OR5A1: variants seen among roughly 807,000 people sequenced by gnomAD.
OR5A1 encodes olfactory receptor 5A1.
A neutral mutation model predicts 6.7 loss-of-function variants in OR5A1; 6 were observed. That is an observed-to-expected ratio of 0.89 (90% CI 0.49 to 1.76). The LOEUF is 1.76. Ranked by LOEUF, OR5A1 falls within the 40% of genes most tolerant of loss-of-function variation. OR5A1 has a pLI of 0.01. For missense variants in OR5A1, 378 were observed against 381.7 expected (o/e 0.99, Z 0.08); for synonymous variants, 170 against 155.0 (o/e 1.10, Z -0.72).
In OR5A1 at chr11:59,449,648, A is replaced by G. The variant is rs778008407; in HGVS notation, c.*5532A>G. Reference sequence around the variant, plus strand: ...ATATAATGATATTAGGATTATGATAATATTAATACCCTACATTTGTATAAT... The same window carrying G: ...ATATAATGATATTAGGATTATGATAGTATTAATACCCTACATTTGTATAAT... On this transcript the variant is annotated 3_prime_UTR_variant, in exon 2 of 2. Coordinates refer to ENST00000641045, the MANE Select transcript of OR5A1 (RefSeq NM_001004728.2). The G allele has an allele frequency of 1.3e-5, 2 of 152,220 alleles. No individual in the cohort carries two copies. Among genetic ancestry groups the G allele is most frequent in the Non-Finnish European group, 2.9e-5 (2 of 68,042 alleles). The allele number at this position is 152,220 out of a possible 1,614,324, so 9.4% of individuals were successfully genotyped here.
chr11:59,450,399 A>C lies in OR5A1; in HGVS notation c.*6283A>C, dbSNP rs1313155850. 1 of 152,202 alleles carries C rather than the reference A, an allele frequency of 6.6e-6. No homozygotes were observed. The highest frequency in any genetic ancestry group is 1.5e-5 in the Non-Finnish European group (1 of 68,030). 9.4% of individuals were successfully genotyped at this position (152,202 alleles called of 1,614,324 possible). On this transcript the variant is annotated 3_prime_UTR_variant, in exon 2 of 2. Coordinates refer to ENST00000641045, the MANE Select transcript of OR5A1 (RefSeq NM_001004728.2). ...TCTGGGTGCCTCCAGCCAATGCCTCATGGAGCCATAACACACCAAAAGAAA... is the reference window on the plus strand; with the variant it reads ...TCTGGGTGCCTCCAGCCAATGCCTCCTGGAGCCATAACACACCAAAAGAAA...
intron 1 of OR5A1, among the ~76,000 whole-genome samples, chr11:59,441,983 GA>G (rs1858487017): frequency 3.7e-5 from 5 of 136,434 alleles, no homozygotes; most frequent in African/African-American, 1.4e-4. Flanking sequence ...TAGATAGATA[GA>G]TAGATGATAG....
chr11:59,443,837 C>A lies in OR5A1; in HGVS notation c.669C>A (p.Tyr223Ter). The A allele has an allele frequency of 6.2e-7, 1 of 1,614,106 alleles. No individual in the cohort carries two copies. Among genetic ancestry groups the A allele is most frequent in the East Asian group, 2.2e-5 (1 of 44,870 alleles). ...SFLQLLISYG[Y>*]IVSAVLKIPS... Reference sequence around the variant, plus strand: ...TCCAACTCCTTATCTCCTATGGTTACATAGTGTCTGCGGTCCTGAAGATCC... The same window carrying A: ...TCCAACTCCTTATCTCCTATGGTTAAATAGTGTCTGCGGTCCTGAAGATCC... Residue 223 changes from tyrosine to a stop codon, truncating the protein, a stop_gained, in exon 2 of 2, where the codon TAC (tyrosine) becomes TAA (stop). Transcript: ENST00000641045. LOFTEE classifies it high-confidence loss of function.
At position 59,448,712 on chromosome 11, in the gene OR5A1, C is replaced by A. The variant is rs1159445505; in HGVS notation, c.*4596C>A. On this transcript the variant is annotated 3_prime_UTR_variant, in exon 2 of 2. Coordinates refer to ENST00000641045, the MANE Select transcript of OR5A1 (RefSeq NM_001004728.2). Reference sequence around the variant, plus strand: ...GTAAGTTCATGCTTGAGGGTGGGGTCACATCTGTCTCTTCACAAATATATT... The same window carrying A: ...GTAAGTTCATGCTTGAGGGTGGGGTAACATCTGTCTCTTCACAAATATATT... The A allele has an allele frequency of 6.6e-6, 1 of 152,038 alleles. No individual in the cohort carries two copies. Among genetic ancestry groups the A allele is most frequent in the Non-Finnish European group, 1.5e-5 (1 of 68,022 alleles). The allele number at this position is 152,038 out of a possible 1,614,324, so 9.4% of individuals were successfully genotyped here.
chr11:59,443,961 C>T lies in OR5A1; in HGVS notation c.793C>T (p.Pro265Ser), dbSNP rs751105371. ...GACAGCCCTTTTCGTGTACTTGCGA[C>T]CCAGCTCCAGCTACTTGCTAGGCAG... Reference protein sequence around the residue: ...FGTALFVYLRPSSSYLLGRDK... With the variant: ...FGTALFVYLRSSSSYLLGRDK... Residue 265 changes from proline to serine, a missense_variant, in exon 2 of 2, where the codon CCC (proline) becomes TCC (serine). Coordinates refer to ENST00000641045, the MANE Select transcript of OR5A1 (RefSeq NM_001004728.2). The T allele has an allele frequency of 1.2e-6, 2 of 1,614,060 alleles. No individual in the cohort carries two copies. The highest frequency in any genetic ancestry group is 1.7e-6 in the Non-Finnish European group (2 of 1,179,970).
In OR5A1 at chr11:59,443,877, C is replaced by A. The variant is rs771050906; in HGVS notation, c.709C>A (p.Arg237=). 5 of 1,613,890 alleles carry A rather than the reference C, an allele frequency of 3.1e-6. No individual in the cohort carries two copies. In the South Asian group the frequency reaches 5.5e-5, roughly 18 times the overall value. Residue 237 remains arginine, a synonymous_variant, in exon 2 of 2, where the codon CGA becomes AGA. Coordinates refer to ENST00000641045, the MANE Select transcript of OR5A1 (RefSeq NM_001004728.2). Reference sequence around the variant, plus strand: ...CCTGAAGATCCCTTCAGCAGAGGGCCGATGGAAAGCCTGCAACACGTGTGC... The same window carrying A: ...CCTGAAGATCCCTTCAGCAGAGGGCAGATGGAAAGCCTGCAACACGTGTGC... ...AVLKIPSAEG[R]WKACNTCASH...
chr11:59,441,938 TGATAGATA>T (rs3033264), intron 1 of OR5A1, among the ~76,000 whole-genome samples: 30,809 of 147,952 alleles, frequency 0.21, 3,331 homozygotes, highest in Admixed American at 0.29. Flanking sequence ...GATAGAGAGA[TGATAGATA>T]GATAGATAGA....
Position 59,445,037 on chromosome 11 carries a change from T to A in OR5A1, c.*921T>A, listed in dbSNP as rs573748381. 1 of 152,158 alleles carries A rather than the reference T, an allele frequency of 6.6e-6. No homozygotes were observed. Among genetic ancestry groups the A allele is most frequent in the African/African-American group, 2.4e-5 (1 of 41,426 alleles). The allele number at this position is 152,158 out of a possible 1,614,324, so 9.4% of individuals were successfully genotyped here. A position where few individuals can be genotyped will look rare whatever the true frequency, so the allele number is the denominator to read the frequency against. Reference sequence around the variant, plus strand: ...ATTTTATTTTAAGTTCCGGGATACATATGCAGGATGTGCAGGTTTGTTACA... The same window carrying A: ...ATTTTATTTTAAGTTCCGGGATACAAATGCAGGATGTGCAGGTTTGTTACA... On this transcript the variant is annotated 3_prime_UTR_variant, in exon 2 of 2. Transcript: ENST00000641045.
rs1036604983 is a variant in OR5A1, at chr11:59,449,059, G to C, written c.*4943G>C. ...TGTGTGTGTGTGTGTGTGAAAAGGA[G>C]AGAAAAAACATGCACACGTGTTGCT... On this transcript the variant is annotated 3_prime_UTR_variant, in exon 2 of 2. Transcript: ENST00000641045. 1 of 152,206 alleles carries C rather than the reference G, an allele frequency of 6.6e-6. No individual in the cohort carries two copies. The highest frequency in any genetic ancestry group is 1.5e-5 in the Non-Finnish European group (1 of 68,008). 9.4% of individuals were successfully genotyped at this position (152,206 alleles called of 1,614,324 possible).
rs1440901296 is a variant in OR5A1, at chr11:59,445,085, A to G, written c.*969A>G. 1 of 151,902 alleles carries G rather than the reference A, an allele frequency of 6.6e-6. No homozygotes were observed. Among genetic ancestry groups the G allele is most frequent in the African/African-American group, 2.4e-5 (1 of 41,332 alleles). The allele number at this position is 151,902 out of a possible 1,614,324, so 9.4% of individuals were successfully genotyped here. ...ACATAGGTAAACATATGTCATGGTG[A>G]TTTGCTGCACCTATCCACCCATCAC... On this transcript the variant is annotated 3_prime_UTR_variant, in exon 2 of 2. Coordinates refer to ENST00000641045, the MANE Select transcript of OR5A1 (RefSeq NM_001004728.2).
rs920777016 is a variant in OR5A1 at position 59,449,662 on chromosome 11, C to A, written c.*5546C>A. 2 of 152,146 alleles carry A rather than the reference C, an allele frequency of 1.3e-5. No homozygotes were observed. Among genetic ancestry groups the A allele is most frequent in the African/African-American group, 4.8e-5 (2 of 41,430 alleles). 9.4% of individuals were successfully genotyped at this position (152,146 alleles called of 1,614,324 possible). On this transcript the variant is annotated 3_prime_UTR_variant, in exon 2 of 2. Transcript: ENST00000641045. Reference sequence around the variant, plus strand: ...GGATTATGATAATATTAATACCCTACATTTGTATAATGCTTTGAAGTTTGC... The same window carrying A: ...GGATTATGATAATATTAATACCCTAAATTTGTATAATGCTTTGAAGTTTGC...
chr11:59,443,878 G>A lies in OR5A1; in HGVS notation c.710G>A (p.Arg237Gln), dbSNP rs774688917. ...AVLKIPSAEG[R>Q]WKACNTCASH... ...CTGAAGATCCCTTCAGCAGAGGGCCGATGGAAAGCCTGCAACACGTGTGCC... is the reference window on the plus strand; with the variant it reads ...CTGAAGATCCCTTCAGCAGAGGGCCAATGGAAAGCCTGCAACACGTGTGCC... Residue 237 changes from arginine (R) to glutamine (Q), a missense_variant, in exon 2 of 2, where the codon CGA (arginine) becomes CAA (glutamine). Arg to Gln is a conservative substitution (Grantham distance 43, BLOSUM62 1). Transcript: ENST00000641045. 53 of 1,613,952 alleles carry A rather than the reference G, an allele frequency of 3.3e-5. No individual in the cohort carries two copies. The highest frequency in any genetic ancestry group is 3.9e-5 in the Non-Finnish European group (46 of 1,179,992).
In OR5A1 at chr11:59,446,500, C is replaced by T. The variant is rs1182815142; in HGVS notation, c.*2384C>T. 1.3e-5 allele frequency: 2 copies of T among 152,112 alleles called. No homozygotes were observed. The highest frequency in any genetic ancestry group is 2.9e-5 in the Non-Finnish European group (2 of 68,034). 9.4% of individuals were successfully genotyped at this position (152,112 alleles called of 1,614,324 possible). On this transcript the variant is annotated 3_prime_UTR_variant, in exon 2 of 2. Transcript: ENST00000641045. ...GATTTTAACCATGCCATTCCTTTAC[C>T]AGTTCAGGACCTGCCTCCATTTCAC...
chr11:59,438,840 C>A (rs551226776), intron 1 of OR5A1, among the ~76,000 whole-genome samples: 7 of 152,320 alleles, frequency 4.6e-5, no homozygotes, highest in African/African-American at 1.4e-4. Context: ...ATGAATGATA[C>A]CATCTGAATC....
intron 1 of OR5A1, among the ~76,000 whole-genome samples, chr11:59,438,735 G>GC (rs1294550881): frequency 6.6e-6 from 1 of 152,166 alleles, no homozygotes; most frequent in Non-Finnish European, 1.5e-5. Context: ...AATTTAGAAG[G>GC]CCTGTAATCC....
rs1451213188 is a variant in OR5A1, at chr11:59,449,557, A to G, written c.*5441A>G. 1 of 152,202 alleles carries G rather than the reference A, an allele frequency of 6.6e-6. No homozygotes were observed. The highest frequency in any genetic ancestry group is 6.5e-5 in the Admixed American group (1 of 15,278). 9.4% of individuals were successfully genotyped at this position (152,202 alleles called of 1,614,324 possible). ...CTAAGCCCCTACCATGTGTAAAAAAATAATAACTAGCATGATCTCTTTCTT... is the reference window on the plus strand; with the variant it reads ...CTAAGCCCCTACCATGTGTAAAAAAGTAATAACTAGCATGATCTCTTTCTT... On this transcript the variant is annotated 3_prime_UTR_variant, in exon 2 of 2. Coordinates refer to ENST00000641045, the MANE Select transcript of OR5A1 (RefSeq NM_001004728.2).
In OR5A1 at chr11:59,445,883, T is replaced by G. The variant is rs1052421728; in HGVS notation, c.*1767T>G. 2 of 152,000 alleles carry G rather than the reference T, an allele frequency of 1.3e-5. No individual in the cohort carries two copies. Among genetic ancestry groups the G allele is most frequent in the Non-Finnish European group, 2.9e-5 (2 of 67,908 alleles). The allele number at this position is 152,000 out of a possible 1,614,324, so 9.4% of individuals were successfully genotyped here. On this transcript the variant is annotated 3_prime_UTR_variant, in exon 2 of 2. Transcript: ENST00000641045. Reference sequence around the variant, plus strand: ...GTTTGTTTTTTTCTTGTAAATTTGTTTAAGTTACCTTTGTCAGATAGATAG... The same window carrying G: ...GTTTGTTTTTTTCTTGTAAATTTGTGTAAGTTACCTTTGTCAGATAGATAG...
chr11:59,442,463 A>T (rs1858491852), intron 1 of OR5A1, among the ~76,000 whole-genome samples: 3 of 152,064 alleles, frequency 2.0e-5, no homozygotes, highest in Admixed American at 2.0e-4. Flanking sequence ...AAAAAATAAG[A>T]AATAAATAAA....
rs964748233 is a variant in OR5A1, at chr11:59,450,183, C to G, written c.*6067C>G. ...CAAGCTAATTCTATGTTCAATCATG[C>G]AACCCTGAGGTTACAAAATAGAAAG... is the stretch of plus-strand genomic sequence containing the variant. On this transcript the variant is annotated 3_prime_UTR_variant, in exon 2 of 2. Coordinates refer to ENST00000641045, the MANE Select transcript of OR5A1 (RefSeq NM_001004728.2). 4 of 152,190 alleles carry G rather than the reference C, an allele frequency of 2.6e-5. 1 individual carries two copies. Among genetic ancestry groups the G allele is most frequent in the Non-Finnish European group, 5.9e-5 (4 of 68,040 alleles). The allele number at this position is 152,190 out of a possible 1,614,324, so 9.4% of individuals were successfully genotyped here. A position where few individuals can be genotyped will look rare whatever the true frequency, so the allele number is the denominator to read the frequency against.
Sources: allele counts gnomAD v4.1 joint callset (sites outside exome capture counted in the v4.1 genomes callset), GRCh38; gene constraint gnomAD v4.1.1; transcripts MANE v1.5; gene names NCBI Gene and HGNC (gene_info 2026-07-23, HGNC 2026-07-21).